Variants in GTF2IRD1 observed in about 807,000 individuals in gnomAD.
GTF2IRD1 encodes the protein GTF2I repeat domain containing 1, also known as general transcription factor II-I repeat domain-containing protein 1.
Under a neutral mutation model 113.2 loss-of-function variants are expected in GTF2IRD1, and 26 were observed. That is an observed-to-expected ratio of 0.23 (90% CI 0.17 to 0.32). The LOEUF (loss-of-function observed/expected upper bound fraction) is 0.32. Ranked by LOEUF, GTF2IRD1 falls within the 10% of genes least tolerant of loss-of-function variation. The probability of loss-of-function intolerance (pLI) is 1.00; values close to 1 mark genes in which losing one functional copy is unlikely to be tolerated. For synonymous variants in GTF2IRD1, 484 were observed against 529.1 expected, an observed-to-expected ratio of 0.91 and a Z score of 1.17; for missense variants, 864 against 1,280.8, an observed-to-expected ratio of 0.67 and a Z score of 4.97.
chr7:74,532,327 G>A (rs1554349089), intron 9 of GTF2IRD1, among the ~76,000 whole-genome samples: 1 of 152,198 alleles, frequency 6.6e-6, no homozygotes, highest in African/African-American at 2.4e-5. Context: ...GCTGAGACAG[G>A]AGGATCACTT....
chr7:74,554,817 C>T (rs781941975), intron 17 of GTF2IRD1, among the ~76,000 whole-genome samples: 24 of 152,152 alleles, frequency 1.6e-4, no homozygotes, highest in Non-Finnish European at 1.6e-4. Context: ...GGATTACAGG[C>T]GTGAGCTACT....
chr7:74,536,223 A>C lies in GTF2IRD1; in HGVS notation c.1357A>C (p.Thr453Pro). Reference protein sequence around the residue: ...KLEPASPPEDTSAEVSRATVL... With the variant: ...KLEPASPPEDPSAEVSRATVL... ...GGAGCCAGCCAGCCCGCCAGAGGAC[A>C]CCTCTGCAGAGGTCTCTAGGGCCAC... The change falls in exon 11 of 27, where the codon ACC becomes CCC. Residue 453 changes from threonine (T) to proline (P), a missense_variant. Thr to Pro is a conservative substitution (Grantham distance 38). This residue lies in a region of GTF2IRD1 where 218 missense variants were observed against 352.6 expected (regional missense o/e 0.62). Transcript: ENST00000424337. 2.5e-6 allele frequency: 4 copies of C among 1,613,328 alleles called. No individual in the cohort carries two copies. The highest frequency in any genetic ancestry group is 3.4e-6 in the Non-Finnish European group (4 of 1,179,442).
chr7:74,475,481 C>T (rs1198271320), intron 1 of GTF2IRD1, among the ~76,000 whole-genome samples: 2 of 152,130 alleles, frequency 1.3e-5, no homozygotes, highest in Non-Finnish European at 2.9e-5. Flanking sequence ...GCCTCATGTA[C>T]GTTCCTGAGA....
Position 74,555,385 on chromosome 7 carries a change from G to A in GTF2IRD1, c.1967-53G>A, listed in dbSNP as rs1554356456. 1 of 1,603,450 alleles carries A rather than the reference G, an allele frequency of 6.2e-7. No individual in the cohort carries two copies. Among genetic ancestry groups the A allele is most frequent in the East Asian group, 2.2e-5 (1 of 44,798 alleles). On this transcript the variant is annotated intron_variant, in intron 18 of 26. Coordinates refer to ENST00000424337, the MANE Select transcript of GTF2IRD1 (RefSeq NM_005685.4). This position sits in a 1 kb window ranked among gnomAD's most constrained non-coding sequence, Gnocchi z 5.3. Reference sequence around the variant, plus strand: ...GGTTTCCCCTAACGATGCCATCTTGGGTCCCAGGAACTGCCTCCTCACTTG... The same window carrying A: ...GGTTTCCCCTAACGATGCCATCTTGAGTCCCAGGAACTGCCTCCTCACTTG...
chr7:74,544,932 T>TA, intron 15 of GTF2IRD1, 130 bp downstream of exon 15: 1 of 677,860 alleles, frequency 1.5e-6, no homozygotes, highest in Non-Finnish European at 2.6e-6. Context: ...CACCCTGGTG[T>TA]GGGGGTGGGA....
intron 9 of GTF2IRD1, among the ~76,000 whole-genome samples, chr7:74,532,887 C>G (rs1232552965): frequency 6.6e-6 from 1 of 152,276 alleles, no homozygotes; most frequent in South Asian, 2.1e-4. Flanking sequence ...CTACATTCCC[C>G]CTAGAGCCCA....
At chr7:74,496,082 G>T (rs1201400419) in intron 1 of GTF2IRD1, among the ~76,000 whole-genome samples, 1 of 152,102 alleles carries the variant, frequency 6.6e-6, no homozygotes, top group African/African-American at 2.4e-5. Context: ...ATGCATGTGA[G>T]TTTGCATGCA....
At chr7:74,581,650 G>A (rs1429179161) in intron 22 of GTF2IRD1, among the ~76,000 whole-genome samples, 1 of 152,244 alleles carries the variant, frequency 6.6e-6, no homozygotes, top group Admixed American at 6.5e-5. Context: ...GCGACCTGGT[G>A]GTGGTGGCAG....
chr7:74,466,588 C>T (rs1283941584), intron 1 of GTF2IRD1, among the ~76,000 whole-genome samples: 3 of 152,158 alleles, frequency 2.0e-5, no homozygotes, highest in Non-Finnish European at 4.4e-5. Flanking sequence ...TAATGCTCCC[C>T]GGCTGTGTCC....
chr7:74,477,787 G>A lies in GTF2IRD1; in HGVS notation c.-7+23611G>A, dbSNP rs376051021. ...TCAGGCGGGCAGGGCTGGGGGCCCC[G>A]TGAGCCAGCGCCCCAGGATTAGATC... On this transcript the variant is annotated intron_variant, in intron 1 of 26. Coordinates refer to ENST00000424337, the MANE Select transcript of GTF2IRD1 (RefSeq NM_005685.4). 6.7e-4 allele frequency among the ~76,000 whole-genome samples: 102 copies of A among 152,304 alleles called. 1 individual carries two copies. The East Asian group carries it at 0.019, about 28-fold the overall frequency.
intron 24 of GTF2IRD1, among the ~76,000 whole-genome samples, chr7:74,593,547 C>T (rs2131030158): frequency 6.6e-6 from 1 of 150,658 alleles, no homozygotes; most frequent in East Asian, 2.0e-4. Context: ...TCCTGGCTAA[C>T]ATGGTGAAAC....
intron 1 of GTF2IRD1, among the ~76,000 whole-genome samples, chr7:74,504,478 C>T (rs1554340461): frequency 6.6e-6 from 1 of 152,078 alleles, no homozygotes; most frequent in East Asian, 1.9e-4. Flanking sequence ...GTCAGCTCTG[C>T]GTGTGAGCAG....
At chr7:74,561,894 C>T (rs1161998004) in intron 22 of GTF2IRD1, among the ~76,000 whole-genome samples, 2 of 152,090 alleles carry the variant, frequency 1.3e-5, no homozygotes, top group African/African-American at 4.8e-5. Flanking sequence ...GAGACTGAGG[C>T]TCGGTGTGAG....
At chr7:74,534,667 C>T (rs797042322) in intron 9 of GTF2IRD1, among the ~76,000 whole-genome samples, 3 of 151,978 alleles carry the variant, frequency 2.0e-5, no homozygotes, top group African/African-American at 7.2e-5. Flanking sequence ...CTGCTGAGAT[C>T]GCGCCACTGC....
intron 14 of GTF2IRD1, among the ~76,000 whole-genome samples, chr7:74,540,684 C>T (rs1309427820): frequency 1.3e-5 from 2 of 151,748 alleles, no homozygotes; most frequent in East Asian, 2.0e-4. Context: ...TAAGGTGGCT[C>T]GTGCCTGTAA....
chr7:74,460,710 A>C (rs1388442594), intron 1 of GTF2IRD1, among the ~76,000 whole-genome samples: 1 of 151,812 alleles, frequency 6.6e-6, no homozygotes, highest in Admixed American at 6.6e-5. Flanking sequence ...ATATTTAGAG[A>C]TGCTGGGAGG....
intron 6 of GTF2IRD1, among the ~76,000 whole-genome samples, chr7:74,520,521 ATGCATATTCTCAGGCACCAC>A (rs1797222069): frequency 1.3e-5 from 2 of 152,130 alleles, no homozygotes; most frequent in Admixed American, 1.3e-4. Flanking sequence ...AGGGTTAGAA[ATGCATATTCTCAGGCACCAC>A]TGCAGTCTTG....
chr7:74,529,219 G>A (rs191755591), intron 8 of GTF2IRD1, among the ~76,000 whole-genome samples: 88 of 152,212 alleles, frequency 5.8e-4, no homozygotes, highest in Non-Finnish European at 1.1e-3. Flanking sequence ...GTAGGACTTT[G>A]GCTGTCACCA....
chr7:74,538,585 A>C (rs1317002293), intron 12 of GTF2IRD1, 95 bp from the exon 13 acceptor site: 4 of 839,740 alleles, frequency 4.8e-6, no homozygotes, highest in Admixed American at 1.7e-5. Flanking sequence ...GGGCCTCACT[A>C]ACAAGTTACA....
Sources: gnomAD v4.1 joint callset for allele counts (sites outside exome capture counted in the v4.1 genomes callset) on GRCh38, gnomAD v4.1.1 for gene constraint, gnomAD v4.1.1 regional missense constraint, Gnocchi (gnomAD v3.1) non-coding constraint, MANE v1.5 for transcripts, NCBI Gene and HGNC (gene_info 2026-07-23, HGNC 2026-07-21) for gene names.